Variants in KCNK9 observed in about 807,000 individuals in gnomAD.
KCNK9 encodes the protein potassium channel subfamily K member 9.
In KCNK9, 1 loss-of-function variant was observed where a neutral mutation model predicts 10.8. The ratio of observed to expected loss-of-function variants is 0.09; its 90% confidence interval spans 0.03 to 0.44. The LOEUF is 0.44. KCNK9 is among the 20% of genes least tolerant of loss of function. The pLI, the probability that KCNK9 is intolerant of heterozygous loss-of-function variation, is 0.97. For synonymous variants in KCNK9, 231 were observed against 222.7 expected (o/e 1.04, Z -0.33); for missense variants, 303 against 515.0 (o/e 0.59, Z 3.98).
chr8:139,643,038 C>T (rs1027409713), intron 1 of KCNK9, among the ~76,000 whole-genome samples: 4 of 152,146 alleles, frequency 2.6e-5, no homozygotes, highest in Non-Finnish European at 5.9e-5. Context: ...GGCAGTGCCC[C>T]AAGACCCATG....
rs372225653 is a variant in KCNK9 at position 139,702,906 on chromosome 8, G to C, written c.87C>G (p.Leu29=). 4.9e-5 allele frequency: 79 copies of C among 1,613,686 alleles called. No individual in the cohort carries two copies. Among genetic ancestry groups the C allele is most frequent in the Non-Finnish European group, 6.4e-5 (75 of 1,179,916 alleles). Residue 29 remains leucine (L), a synonymous_variant, in exon 1 of 2, where the codon CTC becomes CTG. Coordinates refer to ENST00000520439, the MANE Select transcript of KCNK9 (RefSeq NM_001282534.2). This position sits in a 1 kb window ranked among gnomAD's most constrained non-coding sequence, Gnocchi z 7.5. ...CCTCGCGCATCTCGTGGTCCGACTC[G>C]AGGGCGTCGAACACGGCGGCGCCCA... is the stretch of plus-strand genomic sequence containing the variant. The part of the protein sequence containing the change: ...LLVGAAVFDA[L]ESDHEMREEE...
chr8:139,694,693 C>T (rs926287067), intron 1 of KCNK9, among the ~76,000 whole-genome samples: 1 of 152,234 alleles, frequency 6.6e-6, no homozygotes, highest in Non-Finnish European at 1.5e-5. Flanking sequence ...CCACCCATCA[C>T]CTGCCACCCC....
intron 1 of KCNK9, among the ~76,000 whole-genome samples, chr8:139,659,409 A>C (rs1204140598): frequency 6.6e-6 from 1 of 152,026 alleles, no homozygotes; most frequent in Non-Finnish European, 1.5e-5. Flanking sequence ...AAAATAGAGA[A>C]TACTCCTCTC....
chr8:139,702,678 C>T lies in KCNK9; in HGVS notation c.283+32G>A, dbSNP rs1817258108. ...CCGCCTCCCCGGACTCCTCCCGGGG[C>T]GCGGGAGCCCAGCGGCGCGCCCAGC... On this transcript the variant is annotated intron_variant, in intron 1 of 1. Transcript: ENST00000520439. The surrounding 1 kb of genome is among the most constrained non-coding windows in gnomAD (Gnocchi z 7.5). 15 of 1,583,084 alleles carry T rather than the reference C, an allele frequency of 9.5e-6. No homozygotes were observed. The highest frequency in any genetic ancestry group is 9.1e-5 in the East Asian group (4 of 43,876).
intron 1 of KCNK9, among the ~76,000 whole-genome samples, chr8:139,642,980 C>T (rs567719012): frequency 1.3e-4 from 20 of 152,260 alleles, no homozygotes; most frequent in Non-Finnish European, 2.2e-4. Flanking sequence ...TCCCCTGCCA[C>T]GCTCAGGACC....
rs1209735385 is a variant in KCNK9 at position 139,677,926 on chromosome 8, T to G, written c.283+24784A>C. Among the ~76,000 whole-genome samples the G allele has an allele frequency of 8.9e-5, 13 of 145,252 alleles. 1 individual carries two copies. The highest frequency in any genetic ancestry group is 1.3e-4 in the Admixed American group (2 of 14,992). On this transcript the variant is annotated intron_variant, in intron 1 of 1. Coordinates refer to ENST00000520439, the MANE Select transcript of KCNK9 (RefSeq NM_001282534.2). Reference sequence around the variant, plus strand: ...CCAATGTGTCCCCACAGCTACAGAGTAATACCTCACATCTCAGCCCAATGA... The same window carrying G: ...CCAATGTGTCCCCACAGCTACAGAGGAATACCTCACATCTCAGCCCAATGA...
At chr8:139,661,544 C>T (rs1039344697) in intron 1 of KCNK9, among the ~76,000 whole-genome samples, 1 of 152,266 alleles carries the variant, frequency 6.6e-6, no homozygotes, top group Non-Finnish European at 1.5e-5. Flanking sequence ...ATGCCCTCCC[C>T]TCTGGGGCCT....
intron 1 of KCNK9, among the ~76,000 whole-genome samples, chr8:139,643,405 C>G (rs1014134843): frequency 1.4e-4 from 21 of 152,362 alleles, no homozygotes; most frequent in African/African-American, 5.0e-4. Context: ...CTCCCTCTCC[C>G]TTCAGGACTC....
At chr8:139,661,269 A>C (rs1388967871) in intron 1 of KCNK9, among the ~76,000 whole-genome samples, 1 of 152,110 alleles carries the variant, frequency 6.6e-6, no homozygotes, top group East Asian at 1.9e-4. Context: ...GTCTCCACCC[A>C]CACAGAGCTT....
At position 139,682,156 on chromosome 8, in the gene KCNK9, T is replaced by C. The variant is rs147704403; in HGVS notation, c.283+20554A>G. On this transcript the variant is annotated intron_variant, in intron 1 of 1. Transcript: ENST00000520439. ...CACAAACACCTGCCATTCAGATTCGTGGGCTGCTGTTTTTCAAGGATTTGC... is the reference window on the plus strand; with the variant it reads ...CACAAACACCTGCCATTCAGATTCGCGGGCTGCTGTTTTTCAAGGATTTGC... 4.5e-3 allele frequency among the ~76,000 whole-genome samples: 685 copies of C among 152,328 alleles called. 4 individuals are homozygous for C. Among genetic ancestry groups the C allele is most frequent in the Middle Eastern group, 0.031 (9 of 294 alleles).
chr8:139,671,515 T>C (rs959932460), intron 1 of KCNK9, among the ~76,000 whole-genome samples: 5 of 136,344 alleles, frequency 3.7e-5, no homozygotes, highest in African/African-American at 1.4e-4. Flanking sequence ...TAGTTTCTTT[T>C]TTTTTTTTTT....
At chr8:139,636,227 C>T (rs1345359640) in intron 1 of KCNK9, among the ~76,000 whole-genome samples, 1 of 152,230 alleles carries the variant, frequency 6.6e-6, no homozygotes, top group Non-Finnish European at 1.5e-5. Flanking sequence ...CTGTCATTCT[C>T]CTGGATGAAG....
downstream of KCNK9, among the ~76,000 whole-genome samples, chr8:139,610,412 G>T (rs1814384456): frequency 1.3e-5 from 2 of 152,204 alleles, no homozygotes; most frequent in African/African-American, 4.8e-5. Context: ...TGCCAAGTAA[G>T]CTTAAGAATT....
intron 1 of KCNK9, among the ~76,000 whole-genome samples, chr8:139,622,722 T>A (rs1316901425): frequency 1.3e-5 from 2 of 152,218 alleles, no homozygotes; most frequent in Non-Finnish European, 2.9e-5. Context: ...CTATCTGTTT[T>A]CCCCTGGTCT....
chr8:139,678,627 C>T (rs1357598404), intron 1 of KCNK9, among the ~76,000 whole-genome samples: 2 of 152,234 alleles, frequency 1.3e-5, no homozygotes, highest in African/African-American at 4.8e-5. Flanking sequence ...GATGCAGCCT[C>T]ATAGCGCTGA....
chr8:139,624,862 G>T (rs746422727), intron 1 of KCNK9, among the ~76,000 whole-genome samples: 2 of 152,206 alleles, frequency 1.3e-5, no homozygotes, highest in Non-Finnish European at 2.9e-5. Flanking sequence ...CTGGAAAGGG[G>T]ACAGTCATTG....
At chr8:139,696,531 G>A (rs1817056076) in intron 1 of KCNK9, among the ~76,000 whole-genome samples, 1 of 152,168 alleles carries the variant, frequency 6.6e-6, no homozygotes, top group South Asian at 2.1e-4. Flanking sequence ...TCACCACCGT[G>A]TGCCTCCCAC....
intron 1 of KCNK9, among the ~76,000 whole-genome samples, chr8:139,699,844 C>A (rs566878908): frequency 6.6e-6 from 1 of 152,212 alleles, no homozygotes; most frequent in African/African-American, 2.4e-5. Context: ...GAGAAGAAGC[C>A]TTCATTCGTG....
chr8:139,610,566 C>T (rs1050738103), downstream of KCNK9, among the ~76,000 whole-genome samples: 4 of 152,182 alleles, frequency 2.6e-5, no homozygotes, highest in African/African-American at 9.7e-5. Flanking sequence ...CAAATTCAAG[C>T]TAATGTCCTC....
Sources: gnomAD v4.1 joint callset for allele counts (sites outside exome capture counted in the v4.1 genomes callset) on GRCh38, gnomAD v4.1.1 for gene constraint, Gnocchi (gnomAD v3.1) non-coding constraint, MANE v1.5 for transcripts, NCBI Gene and HGNC (gene_info 2026-07-23, HGNC 2026-07-21) for gene names.